The following RAB38 variants were observed in gnomAD, a reference collection of about 807,000 sequenced individuals.
RAB38 encodes ras-related protein Rab-38.
RAB38 carries 15 observed loss-of-function variants against 18.4 expected under a neutral mutation model. The observed-to-expected ratio is 0.82, with a 90% CI of 0.55 to 1.26. The LOEUF (loss-of-function observed/expected upper bound fraction) is 1.26. RAB38 is among the 50% of genes most tolerant of loss of function. The probability of loss-of-function intolerance (pLI) is 0.00; values close to 1 mark genes in which losing one functional copy is unlikely to be tolerated. For synonymous variants in RAB38, 101 were observed against 104.4 expected (o/e 0.97, Z 0.20); for missense variants, 294 against 267.4 (o/e 1.10, Z -0.69).
the RAB38 span, chr11:87,815,831 A>C: frequency 1.3e-5 from 2 of 152,352 alleles, no homozygotes; most frequent in Non-Finnish European, 2.9e-5. Context: ...GTTTCTAGGA[A>C]TATAAATGAC....
chr11:87,865,610 C>G, the RAB38 span, among the ~76,000 whole-genome samples: 1 of 151,540 alleles, frequency 6.6e-6, no homozygotes, highest in Non-Finnish European at 1.5e-5. Context: ...CCTGAAGCCA[C>G]TAACTTTGTG....
At chr11:87,947,869 C>T in the RAB38 span, among the ~76,000 whole-genome samples, 1 of 152,120 alleles carries the variant, frequency 6.6e-6, no homozygotes. Context: ...ATTGACTTGG[C>T]AATGCAGTCT....
chr11:87,875,978 G>T, the RAB38 span, among the ~76,000 whole-genome samples: 1 of 151,410 alleles, frequency 6.6e-6, no homozygotes, highest in African/African-American at 2.4e-5. Flanking sequence ...CTTTTGCCAA[G>T]GTCTTCAATA....
chr11:87,931,483 G>A, the RAB38 span, among the ~76,000 whole-genome samples: 1 of 152,010 alleles, frequency 6.6e-6, no homozygotes. Context: ...ATCCAGAGCA[G>A]GGAGGCAATT....
At chr11:88,083,126 G>A in the RAB38 span, among the ~76,000 whole-genome samples, 2 of 151,674 alleles carry the variant, frequency 1.3e-5, no homozygotes, top group African/African-American at 2.4e-5. Context: ...TGCAAGGCTC[G>A]CTCCCTCACT....
chr11:88,132,264 G>A (rs1406472646), intron 2 of RAB38, among the ~76,000 whole-genome samples: 2 of 152,318 alleles, frequency 1.3e-5, no homozygotes, highest in Non-Finnish European at 2.9e-5. Flanking sequence ...AACCATAAGG[G>A]AGAAAGTCAC....
At chr11:87,859,438 A>G in the RAB38 span, among the ~76,000 whole-genome samples, 1 of 152,114 alleles carries the variant, frequency 6.6e-6, no homozygotes, top group Non-Finnish European at 1.5e-5. Context: ...ATGACCTAAT[A>G]GAAAAATAGG....
chr11:88,038,068 T>A, the RAB38 span, among the ~76,000 whole-genome samples: 534 of 152,298 alleles, frequency 3.5e-3, 4 homozygotes, highest in African/African-American at 0.012. Context: ...GTGAGTTGCC[T>A]TTTTATTATA....
the RAB38 span, among the ~76,000 whole-genome samples, chr11:87,871,744 C>T: frequency 6.6e-6 from 1 of 151,492 alleles, no homozygotes; most frequent in Non-Finnish European, 1.5e-5. Flanking sequence ...TTAGGGTTGA[C>T]TGTTTTTGAA....
the RAB38 span, among the ~76,000 whole-genome samples, chr11:87,939,087 T>G: frequency 6.6e-6 from 1 of 152,130 alleles, no homozygotes; most frequent in East Asian, 1.9e-4. Flanking sequence ...AAATGTGTAT[T>G]TGTCACTCAG....
At chr11:87,930,779 T>C in the RAB38 span, among the ~76,000 whole-genome samples, 1,945 of 152,212 alleles carry the variant, frequency 0.013, 41 homozygotes, top group African/African-American at 0.045. Flanking sequence ...CAGCTTTCTA[T>C]ATATGGCTAG....
At chr11:87,930,039 C>T in the RAB38 span, among the ~76,000 whole-genome samples, 1 of 152,126 alleles carries the variant, frequency 6.6e-6, no homozygotes, top group Admixed American at 6.5e-5. Flanking sequence ...GTGCACGTGT[C>T]TTTATAGCAG....
chr11:88,030,602 C>T, the RAB38 span, among the ~76,000 whole-genome samples: 1 of 152,218 alleles, frequency 6.6e-6, no homozygotes, highest in Admixed American at 6.5e-5. Context: ...AAAAACACCT[C>T]TACGCAAATA....
chr11:87,870,633 G>A, the RAB38 span, among the ~76,000 whole-genome samples: 1 of 151,556 alleles, frequency 6.6e-6, no homozygotes, highest in Admixed American at 6.6e-5. Flanking sequence ...ACTAATGTGT[G>A]ACATTAAGAA....
chr11:88,103,349 A>G, the RAB38 span, among the ~76,000 whole-genome samples: 3 of 151,960 alleles, frequency 2.0e-5, no homozygotes, highest in African/African-American at 4.8e-5. Context: ...GTTTCTCATA[A>G]AAGTAGAGTC....
the RAB38 span, chr11:87,816,622 ACTCT>A: frequency 6.6e-6 from 1 of 150,992 alleles, no homozygotes; most frequent in Non-Finnish European, 1.5e-5. Context: ...GTGGTAAAAA[ACTCT>A]CTCTATATAT....
At chr11:87,847,496 C>T in the RAB38 span, among the ~76,000 whole-genome samples, 1 of 151,820 alleles carries the variant, frequency 6.6e-6, no homozygotes, top group East Asian at 1.9e-4. Flanking sequence ...AATCTGTTAC[C>T]AAAATTCTCC....
chr11:87,907,466 T>C, the RAB38 span, among the ~76,000 whole-genome samples: 61 of 151,742 alleles, frequency 4.0e-4, no homozygotes, highest in Non-Finnish European at 6.3e-4. Flanking sequence ...AAAAAAAATA[T>C]ATTTTTTTCA....
chr11:88,072,806 G>GA, the RAB38 span, among the ~76,000 whole-genome samples: 38 of 148,098 alleles, frequency 2.6e-4, no homozygotes, highest in African/African-American at 6.2e-4. Context: ...TCAAAAAGTA[G>GA]AAAAAAAAAA....
Sources: allele counts gnomAD v4.1 joint callset (sites outside exome capture counted in the v4.1 genomes callset), GRCh38; gene constraint gnomAD v4.1.1; transcripts MANE v1.5; gene names NCBI Gene and HGNC (gene_info 2026-07-23, HGNC 2026-07-21).